PPP3CA: variants seen among roughly 807,000 people sequenced by gnomAD.
PPP3CA encodes protein phosphatase 3 catalytic subunit alpha, also known as CAM-PRP catalytic subunit.
PPP3CA carries 14 observed loss-of-function variants against 66.5 expected under a neutral mutation model. The ratio of observed to expected loss-of-function variants is 0.21; its 90% CI spans 0.14 to 0.33. PPP3CA has a LOEUF of 0.33. Among genes scored for constraint, PPP3CA ranks in the 10% least tolerant of loss-of-function variants. PPP3CA has a pLI of 1.00. For missense variants in PPP3CA, 317 were observed against 639.5 expected, an observed-to-expected ratio of 0.50 and a Z score of 5.44; for synonymous variants, 232 against 226.2, an observed-to-expected ratio of 1.03 and a Z score of -0.23.
chr4:101,150,765 C>A (rs1271867911), intron 2 of PPP3CA, among the ~76,000 whole-genome samples: 1 of 152,160 alleles, frequency 6.6e-6, no homozygotes, highest in East Asian at 1.9e-4. Context: ...TCTGATTCTA[C>A]AAATTAATAT....
intron 2 of PPP3CA, among the ~76,000 whole-genome samples, chr4:101,112,944 G>A (rs775755673): frequency 6.6e-6 from 1 of 152,080 alleles, no homozygotes; most frequent in Non-Finnish European, 1.5e-5. Flanking sequence ...GCTGTGCTAG[G>A]ATTATTCTAT....
intron 2 of PPP3CA, among the ~76,000 whole-genome samples, chr4:101,181,206 T>C (rs1369163044): frequency 2.6e-5 from 4 of 152,234 alleles, no homozygotes; most frequent in Non-Finnish European, 4.4e-5. Flanking sequence ...CACAAGTTTA[T>C]GATCACCATA....
chr4:101,054,992 C>A (rs895553261), intron 10 of PPP3CA, among the ~76,000 whole-genome samples: 3 of 152,004 alleles, frequency 2.0e-5, no homozygotes, highest in African/African-American at 7.2e-5. Flanking sequence ...CTTTCTCATT[C>A]TACAGGGCTT....
chr4:101,145,839 G>A (rs933747227), intron 2 of PPP3CA, among the ~76,000 whole-genome samples: 4 of 152,056 alleles, frequency 2.6e-5, no homozygotes, highest in Admixed American at 6.6e-5. Flanking sequence ...TTGACACATG[G>A]CTGTAAACTA....
Position 101,120,843 on chromosome 4 carries a change from T to C in PPP3CA, c.260-11765A>G, listed in dbSNP as rs148124284. On this transcript the variant is annotated intron_variant, in intron 2 of 13. Coordinates refer to ENST00000394854, the MANE Select transcript of PPP3CA (RefSeq NM_000944.5). The stretch of plus-strand genomic sequence containing the variant: ...TCACAGTATCTTAAACTGACTTAAA[T>C]CATAACATCCATAAAGTCTTTGAAT... Among the ~76,000 whole-genome samples the C allele has an allele frequency of 6.6e-5, 10 of 152,198 alleles. No individual in the cohort carries two copies. In the East Asian group the frequency reaches 9.7e-4, roughly 15 times the overall value.
At chr4:101,092,624 C>T (rs1225245195) in intron 6 of PPP3CA, among the ~76,000 whole-genome samples, 1 of 151,860 alleles carries the variant, frequency 6.6e-6, no homozygotes, top group African/African-American at 2.4e-5. Flanking sequence ...GTGTGATGTT[C>T]CCCTTCCCTG....
chr4:101,148,515 T>C (rs945291938), intron 2 of PPP3CA, among the ~76,000 whole-genome samples: 1 of 152,178 alleles, frequency 6.6e-6, no homozygotes, highest in Non-Finnish European at 1.5e-5. Context: ...TACTTACAAA[T>C]AGTGAATTTC....
intron 8 of PPP3CA, among the ~76,000 whole-genome samples, chr4:101,065,564 T>C (rs574144956): frequency 6.6e-6 from 1 of 152,150 alleles, no homozygotes; most frequent in South Asian, 2.1e-4. Context: ...GGAATTGTGG[T>C]TGAGAAATGG....
chr4:101,305,859 T>C (rs1274255778), intron 1 of PPP3CA, among the ~76,000 whole-genome samples: 1 of 149,232 alleles, frequency 6.7e-6, no homozygotes, highest in African/African-American at 2.6e-5. Context: ...AGAAAATGTT[T>C]TTAAGGACAA....
chr4:101,103,865 CAA>C (rs1730548174), intron 3 of PPP3CA, among the ~76,000 whole-genome samples: 1 of 152,156 alleles, frequency 6.6e-6, no homozygotes, highest in Admixed American at 6.5e-5. Flanking sequence ...TATGCTTGAT[CAA>C]AGAGATTAGG....
intron 2 of PPP3CA, among the ~76,000 whole-genome samples, chr4:101,118,237 T>C (rs534869456): frequency 4.6e-5 from 7 of 152,184 alleles, no homozygotes; most frequent in Non-Finnish European, 1.0e-4. Context: ...TATAGTGCAA[T>C]GGTTAGGAAC....
intron 2 of PPP3CA, among the ~76,000 whole-genome samples, chr4:101,116,508 T>C (rs1000284417): frequency 6.6e-6 from 1 of 151,854 alleles, no homozygotes; most frequent in African/African-American, 2.4e-5. Flanking sequence ...ACCACAGATA[T>C]ATACTACAAG....
intron 1 of PPP3CA, among the ~76,000 whole-genome samples, 168 bp downstream of exon 1, chr4:101,346,571 G>T (rs1460454096): frequency 6.6e-6 from 1 of 152,090 alleles, no homozygotes; most frequent in Non-Finnish European, 1.5e-5. Flanking sequence ...CGCCGCGGGG[G>T]CGGGGGGTTC....
At chr4:101,233,259 C>G (rs1726022221) in intron 1 of PPP3CA, among the ~76,000 whole-genome samples, 1 of 151,766 alleles carries the variant, frequency 6.6e-6, no homozygotes. Flanking sequence ...AACCATCCTA[C>G]TTTACACTTT....
chr4:101,185,862 G>C (rs978315652), intron 2 of PPP3CA, among the ~76,000 whole-genome samples: 4 of 152,136 alleles, frequency 2.6e-5, no homozygotes, highest in Admixed American at 1.3e-4. Flanking sequence ...CCCTGGGCAA[G>C]CTCTGTAAGC....
At chr4:101,340,602 T>C (rs1475033787) in intron 1 of PPP3CA, among the ~76,000 whole-genome samples, 1 of 152,220 alleles carries the variant, frequency 6.6e-6, no homozygotes, top group East Asian at 1.9e-4. Flanking sequence ...ATATAATTGA[T>C]GGATTCATAT....
At chr4:101,284,690 G>A (rs916101808) in intron 1 of PPP3CA, among the ~76,000 whole-genome samples, 2 of 151,352 alleles carry the variant, frequency 1.3e-5, no homozygotes, top group Non-Finnish European at 2.9e-5. Context: ...ATTTTGTAAG[G>A]TGCATTTCCC....
intron 2 of PPP3CA, among the ~76,000 whole-genome samples, chr4:101,120,845 A>G (rs1430411121): frequency 2.6e-5 from 4 of 152,084 alleles, no homozygotes; most frequent in Non-Finnish European, 4.4e-5. Flanking sequence ...GACTTAAATC[A>G]TAACATCCAT....
At chr4:101,101,510 G>C (rs1342342608) in intron 3 of PPP3CA, among the ~76,000 whole-genome samples, 1 of 152,126 alleles carries the variant, frequency 6.6e-6, no homozygotes. Context: ...TTTGGAATAT[G>C]AATGGATATG....
Sources: allele counts gnomAD v4.1 joint callset (sites outside exome capture counted in the v4.1 genomes callset), GRCh38; gene constraint gnomAD v4.1.1; transcripts MANE v1.5; gene names NCBI Gene and HGNC (gene_info 2026-07-23, HGNC 2026-07-21).